DARS2: variants seen among roughly 807,000 people sequenced by gnomAD.
DARS2 encodes aspartate--tRNA ligase, mitochondrial.
Under a neutral mutation model 83.0 loss-of-function variants are expected in DARS2, and 63 were observed. The observed-to-expected ratio is 0.76, with a 90% CI of 0.62 to 0.94. The LOEUF (loss-of-function observed/expected upper bound fraction) is 0.94, where lower values mean the gene tolerates loss of function less well. Ranked by LOEUF, DARS2 falls within the 40% of genes least tolerant of loss-of-function variation. The probability of loss-of-function intolerance (pLI) is 0.00; values close to 1 mark genes in which losing one functional copy is unlikely to be tolerated. For synonymous variants in DARS2, 250 were observed against 269.3 expected (o/e 0.93, Z 0.70); for missense variants, 675 against 774.4 (o/e 0.87, Z 1.52).
At chr1:173,830,620 T>A in intron 3 of DARS2, 40 bp from the exon 4 acceptor site, 1 of 1,501,652 alleles carries the variant, frequency 6.7e-7, no homozygotes, top group Non-Finnish European at 9.3e-7. Flanking sequence ...TCCTGTAAGT[T>A]CATTTGTTTC....
At position 173,825,284 on chromosome 1, in the gene DARS2, A is replaced by G. The variant is rs1246840650; in HGVS notation, c.55A>G (p.Arg19Gly). 3.1e-6 allele frequency: 5 copies of G among 1,613,704 alleles called. No homozygotes were observed. The highest frequency in any genetic ancestry group is 4.2e-6 in the Non-Finnish European group (5 of 1,179,826). ...QLYRGLSRPI[R>G]RTTQPIWGSL... ...GTACAGGGGTTTATCCAGACCCATCAGAAGGACCACCCAACCGATCTGGGG... is the reference window on the plus strand; with the variant it reads ...GTACAGGGGTTTATCCAGACCCATCGGAAGGACCACCCAACCGATCTGGGG... The change falls in exon 1 of 17, where the codon AGA (arginine) becomes GGA (glycine). Residue 19 changes from arginine (R) to glycine (G), a missense_variant. Arg to Gly is a moderately radical substitution (Grantham distance 125). Coordinates refer to ENST00000649689, the MANE Select transcript of DARS2 (RefSeq NM_018122.5).
intron 11 of DARS2, among the ~76,000 whole-genome samples, chr1:173,844,340 A>G (rs1465193969): frequency 2.0e-5 from 3 of 152,092 alleles, no homozygotes; most frequent in Non-Finnish European, 4.4e-5. Context: ...TTAGATATAG[A>G]GGGTCTCCTG....
chr1:173,847,497 A>G (rs1653480108), intron 12 of DARS2, among the ~76,000 whole-genome samples: 1 of 152,066 alleles, frequency 6.6e-6, no homozygotes, highest in Non-Finnish European at 1.5e-5. Flanking sequence ...CTTTTATATA[A>G]GAAATGGGTA....
At position 173,858,116 on chromosome 1, in the gene DARS2, CT is replaced by C. The variant is rs1272657850; in HGVS notation, c.*413del. On this transcript the variant is annotated 3_prime_UTR_variant, in exon 17 of 17. Coordinates refer to ENST00000649689, the MANE Select transcript of DARS2 (RefSeq NM_018122.5). The stretch of plus-strand genomic sequence containing the variant: ...AACTAGTGAGTTGATGGAGCATTTG[CT>C]TCATCATCCTCATCAAGAGAATCAT... 4.4e-6 allele frequency: 1 copy of C among 228,796 alleles called. No homozygotes were observed. The highest frequency in any genetic ancestry group is 2.3e-5 in the African/African-American group (1 of 43,940). The allele number at this position is 228,796 out of a possible 1,614,324, so 14.2% of individuals were successfully genotyped here. A position where few individuals can be genotyped will look rare whatever the true frequency, so the allele number is the denominator to read the frequency against.
At position 173,825,449 on chromosome 1, in the gene DARS2, CATTATT is replaced by C. The variant is rs55949406; in HGVS notation, c.127+124_127+129del. 0.16 allele frequency: 73,446 copies of C among 467,626 alleles called. 6,319 individuals carry two copies. Among genetic ancestry groups the C allele is most frequent in the East Asian group, 0.26 (3,729 of 14,260 alleles). 29.0% of individuals were successfully genotyped at this position (467,626 alleles called of 1,614,324 possible). ...TTATTCCATTTTTCATTTTTTCCCC[CATTATT>C]ATTATTATTATTATTATTATTATTA... On this transcript the variant is annotated intron_variant, in intron 1 of 16. Transcript: ENST00000649689.
Position 173,824,950 on chromosome 1 carries a change from G to T in DARS2, c.-280G>T. On this transcript the variant is annotated 5_prime_UTR_variant, in exon 1 of 17. Transcript: ENST00000649689. ...GAGTCGCTCTCTCGTCGTCACTTTTGGCTGCCGACTTGTTGAGTAGAAGTG... is the reference window on the plus strand; with the variant it reads ...GAGTCGCTCTCTCGTCGTCACTTTTTGCTGCCGACTTGTTGAGTAGAAGTG... 8 of 371,762 alleles carry T rather than the reference G, an allele frequency of 2.2e-5. No individual in the cohort carries two copies. The highest frequency in any genetic ancestry group is 6.6e-5 in the East Asian group (1 of 15,060). 23.0% of individuals were successfully genotyped at this position (371,762 alleles called of 1,614,324 possible).
At chr1:173,830,356 G>A (rs977381674) in intron 3 of DARS2, among the ~76,000 whole-genome samples, 1 of 152,134 alleles carries the variant, frequency 6.6e-6, no homozygotes, top group Non-Finnish European at 1.5e-5. Context: ...TAACCCTGGA[G>A]ACAATTGCTT....
At chr1:173,850,564 G>A in intron 13 of DARS2, 85 bp downstream of exon 13, 3 of 1,305,178 alleles carry the variant, frequency 2.3e-6, no homozygotes, top group Non-Finnish European at 3.2e-6. Flanking sequence ...CGTTTGAACT[G>A]TAGACTGTTA....
intron 13 of DARS2, chr1:173,852,275 T>G: frequency 1.0e-6 from 1 of 982,332 alleles, no homozygotes; most frequent in Non-Finnish European, 1.2e-6. Context: ...TAGCACTTAT[T>G]AAGCACTTAG....
At chr1:173,829,504 G>T (rs1438896514) in intron 3 of DARS2, among the ~76,000 whole-genome samples, 3 of 152,082 alleles carry the variant, frequency 2.0e-5, no homozygotes, top group Non-Finnish European at 4.4e-5. Context: ...TCAAGGCCAG[G>T]CATGGTGGCT....
At chr1:173,832,521 A>G (rs1405614385) in intron 5 of DARS2, among the ~76,000 whole-genome samples, 1 of 152,194 alleles carries the variant, frequency 6.6e-6, no homozygotes, top group Non-Finnish European at 1.5e-5. Context: ...CTGTAATCCC[A>G]GCACTTTGGG....
intron 11 of DARS2, among the ~76,000 whole-genome samples, chr1:173,842,336 T>C (rs1653261079): frequency 7.9e-6 from 1 of 127,338 alleles, no homozygotes; most frequent in Non-Finnish European, 1.6e-5. Context: ...TCTTGCTCTG[T>C]CGCCCAGGCT....
chr1:173,825,486 T>A (rs1391505066), intron 1 of DARS2, 130 bp downstream of exon 1: 7 of 381,226 alleles, frequency 1.8e-5, no homozygotes, highest in African/African-American at 4.8e-5. Flanking sequence ...TATTATTATT[T>A]GAGACGGAGT....
At chr1:173,853,684 G>A in intron 14 of DARS2, 111 bp from the exon 15 acceptor site, 4 of 1,500,630 alleles carry the variant, frequency 2.7e-6, no homozygotes, top group Non-Finnish European at 3.7e-6. Flanking sequence ...AAGAAATTGT[G>A]GAGTTTGAGT....
chr1:173,828,508 G>A lies in DARS2; in HGVS notation c.294+109G>A. On this transcript the variant is annotated intron_variant, in intron 3 of 16. Coordinates refer to ENST00000649689, the MANE Select transcript of DARS2 (RefSeq NM_018122.5). ...GAGGTTTTAAATTCAGAAGTTTATT[G>A]TTAATGAAAACTGAAAAATATAAGC... The A allele has an allele frequency of 3.8e-6, 4 of 1,065,076 alleles. No individual in the cohort carries two copies. In the South Asian group the frequency reaches 5.5e-5, roughly 15 times the overall value. The allele number at this position is 1,065,076 out of a possible 1,614,324, so 66.0% of individuals were successfully genotyped here.
chr1:173,842,284 CTTTTTTTTTTTTTT>C (rs1178547914), intron 11 of DARS2, among the ~76,000 whole-genome samples: 20 of 64,256 alleles, frequency 3.1e-4, no homozygotes, highest in East Asian at 1.3e-3. Flanking sequence ...TCATTACTTT[CTTTTTTTTTTTTTT>C]TTTTTTTTTT....
chr1:173,845,194 T>C (rs1007431335), intron 11 of DARS2, 35 bp from the exon 12 acceptor site: 12 of 1,283,390 alleles, frequency 9.4e-6, no homozygotes, highest in African/African-American at 2.9e-5. Flanking sequence ...CTAAGTGTCA[T>C]ACTGACAAGT....
At chr1:173,830,124 C>A (rs924920613) in intron 3 of DARS2, among the ~76,000 whole-genome samples, 2 of 152,080 alleles carry the variant, frequency 1.3e-5, no homozygotes, top group Non-Finnish European at 2.9e-5. Context: ...AAATAAAGAA[C>A]TTCCATCATA....
intron 15 of DARS2, among the ~76,000 whole-genome samples, chr1:173,856,427 C>T (rs1417186020): frequency 1.3e-5 from 2 of 152,206 alleles, no homozygotes; most frequent in Admixed American, 1.3e-4. Flanking sequence ...ATTTACTGAA[C>T]ACCAGGCATT....
Sources: allele counts gnomAD v4.1 joint callset (sites outside exome capture counted in the v4.1 genomes callset), GRCh38; gene constraint gnomAD v4.1.1; transcripts MANE v1.5; gene names NCBI Gene and HGNC (gene_info 2026-07-23, HGNC 2026-07-21).